PTPRG: variants seen among roughly 807,000 people sequenced by gnomAD.
The protein encoded by PTPRG is protein tyrosine phosphatase receptor type G, also known as receptor-type tyrosine-protein phosphatase gamma.
PTPRG carries 102 observed loss-of-function variants against 165.3 expected under a neutral mutation model. The observed-to-expected ratio is 0.62, with a 90% CI of 0.53 to 0.73. The LOEUF is 0.73. PTPRG is among the 30% of genes least tolerant of loss of function. The pLI, the probability that PTPRG is intolerant of heterozygous loss-of-function variation, is 0.00. For synonymous variants in PTPRG, 675 were observed against 669.5 expected, an observed-to-expected ratio of 1.01 and a Z score of -0.13; for missense variants, 1,866 against 1,861.4, an observed-to-expected ratio of 1.00 and a Z score of -0.05.
intron 1 of PTPRG, among the ~76,000 whole-genome samples, chr3:61,595,482 G>A (rs1351674405): frequency 6.6e-6 from 1 of 152,232 alleles, no homozygotes; most frequent in African/African-American, 2.4e-5. Context: ...GGGACTAGAT[G>A]TCAGAACTTG....
At chr3:61,875,618 C>A (rs2037716567) in intron 2 of PTPRG, among the ~76,000 whole-genome samples, 1 of 152,012 alleles carries the variant, frequency 6.6e-6, no homozygotes, top group South Asian at 2.1e-4. Flanking sequence ...GGAGTCATGC[C>A]TCAGCTATAC....
intron 2 of PTPRG, chr3:61,770,805 G>C (rs1375400002): frequency 6.6e-6 from 1 of 152,130 alleles, no homozygotes. Flanking sequence ...TTAATTTGGG[G>C]ACAGACAGCA....
intron 28 of PTPRG, among the ~76,000 whole-genome samples, chr3:62,285,230 T>C (rs546130237): frequency 1.3e-5 from 2 of 152,278 alleles, no homozygotes; most frequent in East Asian, 3.9e-4. Flanking sequence ...GTGTTTTAAA[T>C]TGTGGTAACT....
intron 2 of PTPRG, among the ~76,000 whole-genome samples, chr3:61,980,364 TG>T (rs1477164322): frequency 6.6e-6 from 1 of 152,216 alleles, no homozygotes; most frequent in Non-Finnish European, 1.5e-5. Context: ...CCATGACTGC[TG>T]TGTTAACAGT....
chr3:61,582,305 G>C (rs1054949444), intron 1 of PTPRG, among the ~76,000 whole-genome samples: 1 of 152,058 alleles, frequency 6.6e-6, no homozygotes, highest in Non-Finnish European at 1.5e-5. Flanking sequence ...TTGGTGCTGG[G>C]AATGCTGAGT....
chr3:61,975,989 A>C lies in PTPRG; in HGVS notation c.191-13636A>C, dbSNP rs560929083. On this transcript the variant is annotated intron_variant, in intron 2 of 29. Transcript: ENST00000474889. ...GTCATGTGTTGGATTACAAAGGTGAAGTTCTATGTCCTACCCTTGAAGAAC... is the reference window on the plus strand; with the variant it reads ...GTCATGTGTTGGATTACAAAGGTGACGTTCTATGTCCTACCCTTGAAGAAC... Among the ~76,000 whole-genome samples, 165 of 152,310 alleles carry C rather than the reference A, an allele frequency of 1.1e-3. 2 individuals carry two copies. The highest frequency in any genetic ancestry group is 3.8e-3 in the African/African-American group (156 of 41,588).
At chr3:61,787,533 A>G (rs1055719740) in intron 2 of PTPRG, among the ~76,000 whole-genome samples, 2 of 152,180 alleles carry the variant, frequency 1.3e-5, no homozygotes, top group African/African-American at 4.8e-5. Context: ...CTGTGAAGTA[A>G]AGAGCCCCTA....
At chr3:62,040,811 C>T (rs965096586) in intron 4 of PTPRG, among the ~76,000 whole-genome samples, 1 of 152,142 alleles carries the variant, frequency 6.6e-6, no homozygotes, top group Non-Finnish European at 1.5e-5. Context: ...TCAGGGACAT[C>T]GGGGCTAGCT....
At chr3:61,948,806 A>G (rs2039826842) in intron 2 of PTPRG, among the ~76,000 whole-genome samples, 1 of 152,140 alleles carries the variant, frequency 6.6e-6, no homozygotes, top group African/African-American at 2.4e-5. Flanking sequence ...TTTACCTTTG[A>G]GAATGCAGTC....
At position 61,738,541 on chromosome 3, in the gene PTPRG, G is replaced by T. The variant is rs1242181617; in HGVS notation, c.86-10337G>T. On this transcript the variant is annotated intron_variant, in intron 1 of 29. Transcript: ENST00000474889. Reference sequence around the variant, plus strand: ...TTATACAACTGACAAATAACTGCTGGATGAATCTGCTTTTTTTTTTTTGAG... The same window carrying T: ...TTATACAACTGACAAATAACTGCTGTATGAATCTGCTTTTTTTTTTTTGAG... 2.7e-5 allele frequency among the ~76,000 whole-genome samples: 4 copies of T among 150,598 alleles called. No individual in the cohort carries two copies. In the East Asian group the frequency reaches 7.8e-4, roughly 29 times the overall value.
chr3:62,175,672 T>C (rs1173594346), intron 8 of PTPRG, among the ~76,000 whole-genome samples: 1 of 152,172 alleles, frequency 6.6e-6, no homozygotes, highest in Non-Finnish European at 1.5e-5. Context: ...GTTTACATTC[T>C]AGAAAGGAGA....
At chr3:61,612,739 T>A (rs76789731) in intron 1 of PTPRG, among the ~76,000 whole-genome samples, 4,128 of 152,312 alleles carry the variant, frequency 0.027, 82 homozygotes, top group East Asian at 0.062. Flanking sequence ...AATGGCAGGA[T>A]AATCAATGGA....
chr3:62,188,446 C>T (rs555674779), intron 8 of PTPRG, among the ~76,000 whole-genome samples: 17 of 152,280 alleles, frequency 1.1e-4, no homozygotes, highest in African/African-American at 3.9e-4. Flanking sequence ...TGCGTATGTA[C>T]TTTCACATGT....
At chr3:62,201,046 T>A (rs1009513911) in intron 10 of PTPRG, among the ~76,000 whole-genome samples, 1 of 151,736 alleles carries the variant, frequency 6.6e-6, no homozygotes, top group African/African-American at 2.4e-5. Flanking sequence ...GCTTTGGGGG[T>A]GGAGGTGGAC....
At chr3:61,856,283 A>T (rs964831680) in intron 2 of PTPRG, among the ~76,000 whole-genome samples, 1 of 152,064 alleles carries the variant, frequency 6.6e-6, no homozygotes, top group South Asian at 2.1e-4. Flanking sequence ...GAAGCCTCAT[A>T]CCCATTGAGC....
At chr3:61,616,337 AAGTATGTATGTCCATGTCC>A (rs1389398274) in intron 1 of PTPRG, among the ~76,000 whole-genome samples, 8 of 152,328 alleles carry the variant, frequency 5.3e-5, no homozygotes, top group African/African-American at 1.7e-4. Context: ...TCTATGGGTT[AAGTATGTATGTCCATGTCC>A]ATATACACAC....
intron 5 of PTPRG, among the ~76,000 whole-genome samples, chr3:62,123,002 G>C (rs896512895): frequency 4.6e-5 from 7 of 152,216 alleles, no homozygotes; most frequent in African/African-American, 7.2e-5. Context: ...ATTCTATTCC[G>C]CTACTCAGTT....
At chr3:61,879,594 CA>C (rs2107466329) in intron 2 of PTPRG, among the ~76,000 whole-genome samples, 1 of 152,248 alleles carries the variant, frequency 6.6e-6, no homozygotes, top group East Asian at 1.9e-4. Flanking sequence ...ACACTTTGCT[CA>C]ATTAGTTTAT....
At chr3:61,963,256 T>A (rs1170854808) in intron 2 of PTPRG, among the ~76,000 whole-genome samples, 1 of 152,176 alleles carries the variant, frequency 6.6e-6, no homozygotes, top group Non-Finnish European at 1.5e-5. Context: ...TATGTATCTG[T>A]CAATAACTTT....
Sources: gnomAD v4.1 joint callset for allele counts (sites outside exome capture counted in the v4.1 genomes callset) on GRCh38, gnomAD v4.1.1 for gene constraint, MANE v1.5 for transcripts, NCBI Gene and HGNC (gene_info 2026-07-23, HGNC 2026-07-21) for gene names.